Variants in INPP5A observed in about 807,000 individuals in gnomAD.
The protein encoded by INPP5A is 43 kDa inositol polyphosphate 5-phophatase.
INPP5A carries 14 observed loss-of-function variants against 65.2 expected under a neutral mutation model. The ratio of observed to expected loss-of-function variants is 0.21; its 90% CI spans 0.14 to 0.34. The LOEUF (loss-of-function observed/expected upper bound fraction) is 0.34, where lower values mean the gene tolerates loss of function less well. Among genes scored for constraint, INPP5A ranks in the 10% least tolerant of loss-of-function variants. The pLI is 1.00. For missense variants in INPP5A, 431 were observed against 545.6 expected, an observed-to-expected ratio of 0.79 and a Z score of 2.09; for synonymous variants, 207 against 208.3, an observed-to-expected ratio of 0.99 and a Z score of 0.05.
At position 132,741,200 on chromosome 10, in the gene INPP5A, C is replaced by T. The variant is rs980614856; in HGVS notation, c.733-8317C>T. 2.6e-5 allele frequency among the ~76,000 whole-genome samples: 4 copies of T among 152,222 alleles called. No homozygotes were observed. The highest frequency in any genetic ancestry group is 1.3e-4 in the Admixed American group (2 of 15,282). On this transcript the variant is annotated intron_variant, in intron 9 of 15. Transcript: ENST00000368594. The surrounding 1 kb of genome is among the most constrained non-coding windows in gnomAD (Gnocchi z 4.4). ...TGAGCCAGCCATGATCACATCACTGCACTCCATCCTGGCCAACAGAGGAGG... is the reference window on the plus strand; with the variant it reads ...TGAGCCAGCCATGATCACATCACTGTACTCCATCCTGGCCAACAGAGGAGG...
chr10:132,666,239 G>A (rs530701972), intron 4 of INPP5A, among the ~76,000 whole-genome samples: 4 of 152,236 alleles, frequency 2.6e-5, no homozygotes. Context: ...TTCATAGTCA[G>A]GGATATTTAT....
At chr10:132,624,856 A>T (rs1200779202) in intron 2 of INPP5A, among the ~76,000 whole-genome samples, 11 of 148,774 alleles carry the variant, frequency 7.4e-5, no homozygotes, top group Non-Finnish European at 3.0e-5. Flanking sequence ...CTCCTGGCTG[A>T]CACAGCTCCA....
chr10:132,731,195 AG>A (rs1418143014), intron 9 of INPP5A, among the ~76,000 whole-genome samples: 1 of 152,192 alleles, frequency 6.6e-6, no homozygotes, highest in Non-Finnish European at 1.5e-5. Context: ...CCCCGGTGAG[AG>A]GTCAGAGAAC....
rs532412735 is a variant in INPP5A at position 132,624,248 on chromosome 10, G to A, written c.117+16292G>A. On this transcript the variant is annotated intron_variant, in intron 2 of 15. Transcript: ENST00000368594. The stretch of plus-strand genomic sequence containing the variant: ...CACCTGTGATCCCCGCCTCTGCTGC[G>A]TGGTTCCATTTCTGGGTCACATGGA... 1.2e-4 allele frequency among the ~76,000 whole-genome samples: 19 copies of A among 152,352 alleles called. No individual in the cohort carries two copies. In the East Asian group the frequency reaches 2.1e-3, roughly 17 times the overall value.
At chr10:132,718,493 C>A (rs116365440) in intron 8 of INPP5A, among the ~76,000 whole-genome samples, 16 of 147,688 alleles carry the variant, frequency 1.1e-4, no homozygotes, top group Admixed American at 6.8e-4. Flanking sequence ...TCTCTCTGGG[C>A]GCCTTAGATG....
intron 2 of INPP5A, among the ~76,000 whole-genome samples, chr10:132,626,360 T>A (rs1222264047): frequency 6.6e-6 from 1 of 152,242 alleles, no homozygotes; most frequent in Non-Finnish European, 1.5e-5. Flanking sequence ...GGTCCATTCC[T>A]CAGGGAGACT....
intron 12 of INPP5A, among the ~76,000 whole-genome samples, chr10:132,771,113 G>T (rs942843524): frequency 1.3e-5 from 2 of 152,170 alleles, no homozygotes; most frequent in African/African-American, 4.8e-5. Flanking sequence ...AATCTTTCTG[G>T]CAAAATATGG....
Position 132,750,908 on chromosome 10 carries a change from G to A in INPP5A, c.903+1063G>A, listed in dbSNP as rs149197925. 1.2e-3 allele frequency among the ~76,000 whole-genome samples: 183 copies of A among 152,334 alleles called. 1 individual carries two copies. The highest frequency in any genetic ancestry group is 4.1e-3 in the African/African-American group (171 of 41,570). On this transcript the variant is annotated intron_variant, in intron 11 of 15. Transcript: ENST00000368594. ...GGTAGACCCAGGACACTGCAGCCGC[G>A]TTCACATCCTAGCATCCTGGGCCAG...
rs1326267359 is a variant in INPP5A, at chr10:132,587,677, T to G, written c.76-20238T>G. Among the ~76,000 whole-genome samples the G allele has an allele frequency of 1.3e-5, 2 of 152,210 alleles. No individual in the cohort carries two copies. The highest frequency in any genetic ancestry group is 4.8e-5 in the African/African-American group (2 of 41,446). On this transcript the variant is annotated intron_variant, in intron 1 of 15. Transcript: ENST00000368594. This position sits in a 1 kb window ranked among gnomAD's most constrained non-coding sequence, Gnocchi z 4.3. Reference sequence around the variant, plus strand: ...GGCCTGTAGATAATTGCGTTTTGTGTATGCCATGATTTCAAAGTTATACTT... The same window carrying G: ...GGCCTGTAGATAATTGCGTTTTGTGGATGCCATGATTTCAAAGTTATACTT...
intron 11 of INPP5A, among the ~76,000 whole-genome samples, chr10:132,765,565 C>T (rs572476964): frequency 6.6e-5 from 10 of 152,292 alleles, no homozygotes; most frequent in East Asian, 1.9e-4. Flanking sequence ...ACATCTATAA[C>T]GGGCAGGGCA....
chr10:132,752,749 G>A (rs1178633788), intron 11 of INPP5A, among the ~76,000 whole-genome samples: 1 of 151,916 alleles, frequency 6.6e-6, no homozygotes, highest in Non-Finnish European at 1.5e-5. Context: ...GAGCATCTGG[G>A]AGCAATTGTC....
In INPP5A at chr10:132,767,618, G is replaced by T. The variant is rs1033127530; in HGVS notation, c.977+1772G>T. 3.7e-4 allele frequency among the ~76,000 whole-genome samples: 56 copies of T among 152,202 alleles called. 1 individual carries two copies. Among genetic ancestry groups the T allele is most frequent in the Admixed American group, 3.3e-3 (50 of 15,284 alleles). On this transcript the variant is annotated intron_variant, in intron 12 of 15. Transcript: ENST00000368594. ...TCGGGCTCACACCCCTCTTCCTGGA[G>T]GGCTCCCCCATCCCGCTTGGATCTG...
chr10:132,623,308 G>A (rs1392797658), intron 2 of INPP5A, among the ~76,000 whole-genome samples: 2 of 152,020 alleles, frequency 1.3e-5, no homozygotes, highest in Admixed American at 1.3e-4. Flanking sequence ...ATACAGATCA[G>A]TGGAACAGAA....
At chr10:132,764,883 G>A (rs1237475857) in intron 11 of INPP5A, among the ~76,000 whole-genome samples, 148 of 142,958 alleles carry the variant, frequency 1.0e-3, no homozygotes, top group Middle Eastern at 4.2e-3. Flanking sequence ...GAGGGTGTGC[G>A]TGGTGACACT....
At chr10:132,608,405 T>A (rs1487666303) in intron 2 of INPP5A, among the ~76,000 whole-genome samples, 1 of 152,218 alleles carries the variant, frequency 6.6e-6, no homozygotes, top group Non-Finnish European at 1.5e-5. Context: ...GGGCTGGCAC[T>A]GCCAGGCCGA....
intron 8 of INPP5A, among the ~76,000 whole-genome samples, chr10:132,716,278 G>T (rs533362122): frequency 6.6e-6 from 1 of 152,360 alleles, no homozygotes; most frequent in South Asian, 2.1e-4. Context: ...TTCAGCACCT[G>T]TCGCTCCTTT....
chr10:132,752,036 C>T (rs1418376214), intron 11 of INPP5A, among the ~76,000 whole-genome samples: 2 of 93,262 alleles, frequency 2.1e-5, no homozygotes, highest in East Asian at 6.7e-4. Context: ...GCCCAGGAAG[C>T]GTCTGCGTGA....
Position 132,726,248 on chromosome 10 carries a change from G to A in INPP5A, c.648-573G>A, listed in dbSNP as rs1439231038. ...GTTACCCTCTCACTTTGAAACGTCCGAGTGGAGATCATATGTAAACCTTCA... is the reference window on the plus strand; with the variant it reads ...GTTACCCTCTCACTTTGAAACGTCCAAGTGGAGATCATATGTAAACCTTCA... On this transcript the variant is annotated intron_variant, in intron 8 of 15. Coordinates refer to ENST00000368594, the MANE Select transcript of INPP5A (RefSeq NM_005539.5). Among the ~76,000 whole-genome samples the A allele has an allele frequency of 5.3e-5, 8 of 152,226 alleles. No homozygotes were observed. In the East Asian group the frequency reaches 1.2e-3, roughly 22 times the overall value.
chr10:132,676,951 C>T lies in INPP5A; in HGVS notation c.307-13441C>T, dbSNP rs79898776. Among the ~76,000 whole-genome samples the T allele has an allele frequency of 2.9e-4, 27 of 92,778 alleles. No individual in the cohort carries two copies. Among genetic ancestry groups the T allele is most frequent in the African/African-American group, 4.2e-4 (10 of 23,794 alleles). The allele number at this position is 92,778 out of a possible 152,430, so 60.9% of individuals were successfully genotyped here. ...TCACCCAGGCATCTGTCCTCAACTG[C>T]AGACCCACAGGTATTCACATGGTGA... is the stretch of plus-strand genomic sequence containing the variant. On this transcript the variant is annotated intron_variant, in intron 4 of 15. Transcript: ENST00000368594. The surrounding 1 kb of genome is among the most constrained non-coding windows in gnomAD (Gnocchi z 4.0).
Sources: allele counts gnomAD v4.1 joint callset (sites outside exome capture counted in the v4.1 genomes callset), GRCh38; gene constraint gnomAD v4.1.1; non-coding constraint Gnocchi (gnomAD v3.1); transcripts MANE v1.5; gene names NCBI Gene and HGNC (gene_info 2026-07-23, HGNC 2026-07-21).